CSGALNACT1: variants seen among roughly 807,000 people sequenced by gnomAD.
CSGALNACT1 encodes the protein chondroitin sulfate N-acetylgalactosaminyltransferase 1.
A neutral mutation model predicts 51.0 loss-of-function variants in CSGALNACT1; 52 were observed. The observed-to-expected ratio is 1.02, with a 90% confidence interval of 0.82 to 1.29. CSGALNACT1 has a LOEUF of 1.29. CSGALNACT1 is among the 50% of genes most tolerant of loss of function. CSGALNACT1 has a pLI of 0.00. For missense variants in CSGALNACT1, 935 were observed against 679.2 expected (o/e 1.38, Z -4.19); for synonymous variants, 341 against 254.4 (o/e 1.34, Z -3.24).
intron 6 of CSGALNACT1, among the ~76,000 whole-genome samples, chr8:19,435,946 G>C (rs937049740): frequency 1.3e-5 from 2 of 152,128 alleles, no homozygotes; most frequent in African/African-American, 2.4e-5. Context: ...CTTACTACTT[G>C]TGCTTCACTC....
At chr8:19,635,479 C>T (rs2154172880) in intron 1 of CSGALNACT1, among the ~76,000 whole-genome samples, 1 of 152,302 alleles carries the variant, frequency 6.6e-6, no homozygotes, top group Non-Finnish European at 1.5e-5. Flanking sequence ...CATGTGGCAT[C>T]TGTTAGTGTC....
intron 1 of CSGALNACT1, among the ~76,000 whole-genome samples, chr8:19,727,097 C>T (rs751250433): frequency 5.3e-5 from 8 of 152,080 alleles, no homozygotes; most frequent in Non-Finnish European, 8.8e-5. Context: ...ATTCCTGGGG[C>T]TGAGGGAAGG....
At chr8:19,406,213 C>T in intron 9 of CSGALNACT1, 144 bp from the exon 9 acceptor site, 1 of 956,470 alleles carries the variant, frequency 1.0e-6, no homozygotes, top group Non-Finnish European at 1.6e-6. Flanking sequence ...CGAGAGTGTC[C>T]ACCTGGGTCA....
intron 1 of CSGALNACT1, among the ~76,000 whole-genome samples, chr8:19,633,661 G>C (rs895774371): frequency 8.5e-5 from 13 of 152,226 alleles, no homozygotes; most frequent in African/African-American, 2.7e-4. Context: ...TTAACAGGGA[G>C]AATTGCCCTC....
chr8:19,682,110 CAGGTTGTTGTGA>C (rs373151049), intron 1 of CSGALNACT1, among the ~76,000 whole-genome samples: 32 of 152,260 alleles, frequency 2.1e-4, no homozygotes, highest in African/African-American at 7.5e-4. Flanking sequence ...GCCTGGCTTC[CAGGTTGTTGTGA>C]AGGTCGTGTT....
At chr8:19,648,086 G>A (rs1037144137) in intron 1 of CSGALNACT1, among the ~76,000 whole-genome samples, 2 of 152,128 alleles carry the variant, frequency 1.3e-5, no homozygotes, top group Non-Finnish European at 2.9e-5. Flanking sequence ...AGAATACTTT[G>A]GGAGTTAGTG....
At chr8:19,456,553 TCAACCAGCGGCACTGTGCCATTC>T (rs2064143120) in intron 5 of CSGALNACT1, among the ~76,000 whole-genome samples, 1 of 152,182 alleles carries the variant, frequency 6.6e-6, no homozygotes, top group Non-Finnish European at 1.5e-5. Flanking sequence ...TAATGTTTAA[TCAACCAGCGGCACTGTGCCATTC>T]CAAAGGGAAA....
At chr8:19,577,082 AC>A (rs1327714967) in intron 3 of CSGALNACT1, among the ~76,000 whole-genome samples, 5 of 152,180 alleles carry the variant, frequency 3.3e-5, no homozygotes, top group Non-Finnish European at 7.3e-5. Flanking sequence ...AGAGAGGGTA[AC>A]ATGTATTTAT....
chr8:19,552,841 C>T (rs2088544531), intron 3 of CSGALNACT1, among the ~76,000 whole-genome samples: 2 of 152,146 alleles, frequency 1.3e-5, no homozygotes, highest in South Asian at 4.1e-4. Flanking sequence ...CTTTCCCATT[C>T]ACCCTCCCAA....
At chr8:19,501,659 T>C (rs540178910) in intron 4 of CSGALNACT1, among the ~76,000 whole-genome samples, 2 of 152,342 alleles carry the variant, frequency 1.3e-5, no homozygotes, top group South Asian at 4.1e-4. Flanking sequence ...ATGTTTGGAT[T>C]GTGAAAGAGA....
chr8:19,519,942 A>T (rs1424934221), intron 3 of CSGALNACT1, among the ~76,000 whole-genome samples: 1 of 152,228 alleles, frequency 6.6e-6, no homozygotes, highest in Non-Finnish European at 1.5e-5. Context: ...GATATCTGGG[A>T]ACATTCCTAC....
chr8:19,545,003 A>ATT (rs530577048), intron 3 of CSGALNACT1, among the ~76,000 whole-genome samples: 1 of 148,310 alleles, frequency 6.7e-6, no homozygotes, highest in Non-Finnish European at 1.5e-5. Context: ...CCTTTCAGAC[A>ATT]TTTTTTTTTT....
At chr8:19,431,380 T>A (rs567863097) in intron 6 of CSGALNACT1, among the ~76,000 whole-genome samples, 4 of 152,140 alleles carry the variant, frequency 2.6e-5, no homozygotes, top group African/African-American at 9.6e-5. Context: ...TAAAAGGATG[T>A]TGGATTTTTA....
At chr8:19,582,217 C>T (rs1351677911) in intron 3 of CSGALNACT1, among the ~76,000 whole-genome samples, 1 of 152,180 alleles carries the variant, frequency 6.6e-6, no homozygotes, top group East Asian at 1.9e-4. Context: ...TAAATACTGT[C>T]CTGGTGAATG....
At chr8:19,745,292 T>C (rs1426905206) in intron 1 of CSGALNACT1, among the ~76,000 whole-genome samples, 5 of 152,236 alleles carry the variant, frequency 3.3e-5, no homozygotes, top group Non-Finnish European at 7.3e-5. Flanking sequence ...TTGACTTAGA[T>C]ACAATGATAC....
rs190822967 is a variant in CSGALNACT1 at position 19,700,260 on chromosome 8, A to G, written c.-297+57590T>C. Among the ~76,000 whole-genome samples, 552 of 151,956 alleles carry G rather than the reference A, an allele frequency of 3.6e-3. 4 individuals carry two copies. The highest frequency in any genetic ancestry group is 9.3e-3 in the South Asian group (45 of 4,824). Reference sequence around the variant, plus strand: ...CCTGGGCCTAGAAACCAAACCTCCTATTTCCGGGTGTGTGATCTTCCTAGA... The same window carrying G: ...CCTGGGCCTAGAAACCAAACCTCCTGTTTCCGGGTGTGTGATCTTCCTAGA... On this transcript the variant is annotated intron_variant, in intron 1 of 1. Transcript: ENST00000517494.
At chr8:19,725,367 A>G (rs1357721306) in intron 1 of CSGALNACT1, among the ~76,000 whole-genome samples, 1 of 151,964 alleles carries the variant, frequency 6.6e-6, no homozygotes, top group African/African-American at 2.4e-5. Context: ...ATGGAACCCA[A>G]TGCATAAAAA....
intron 6 of CSGALNACT1, among the ~76,000 whole-genome samples, chr8:19,424,014 G>A (rs1044791083): frequency 2.0e-5 from 3 of 152,172 alleles, no homozygotes; most frequent in Non-Finnish European, 2.9e-5. Flanking sequence ...GCCCCACGCA[G>A]GACTCTGCCC....
chr8:19,443,219 T>C (rs190376525), intron 5 of CSGALNACT1, among the ~76,000 whole-genome samples: 4 of 152,350 alleles, frequency 2.6e-5, no homozygotes, highest in Admixed American at 2.0e-4. Context: ...GTTTAGTTCA[T>C]TTATGTATAT....
Sources: gnomAD v4.1 joint callset for allele counts (sites outside exome capture counted in the v4.1 genomes callset) on GRCh38, gnomAD v4.1.1 for gene constraint, MANE v1.5 for transcripts, NCBI Gene and HGNC (gene_info 2026-07-23, HGNC 2026-07-21) for gene names.